The following RAB18 variants were observed in gnomAD, a reference collection of about 807,000 sequenced individuals.
RAB18 encodes RAB18, member RAS oncogene family.
RAB18 carries 10 observed loss-of-function variants against 28.5 expected under a neutral mutation model. The observed-to-expected ratio is 0.35, with a 90% CI of 0.22 to 0.60. RAB18 has a LOEUF of 0.60. Ranked by LOEUF, RAB18 falls within the 20% of genes least tolerant of loss-of-function variation. The pLI is 0.78. For missense variants in RAB18, 188 were observed against 244.2 expected, an observed-to-expected ratio of 0.77 and a Z score of 1.53; for synonymous variants, 93 against 86.9, an observed-to-expected ratio of 1.07 and a Z score of -0.39.
chr10:27,531,476 A>G, intron 3 of RAB18: 24 of 1,527,012 alleles, frequency 1.6e-5, no homozygotes, highest in Non-Finnish European at 2.0e-5. Context: ...CAGCAGTGGG[A>G]CTGGTAGCTA....
At position 27,538,221 on chromosome 10, in the gene RAB18, T is replaced by C. The variant is rs567179590; in HGVS notation, c.*170T>C. ...CTCATCGACCCCGGGTAAAATGTTATGGTAAGCATGCACAGTTTGCAGTCT... is the reference window on the plus strand; with the variant it reads ...CTCATCGACCCCGGGTAAAATGTTACGGTAAGCATGCACAGTTTGCAGTCT... On this transcript the variant is annotated 3_prime_UTR_variant, in exon 7 of 7. Coordinates refer to ENST00000356940, the MANE Select transcript of RAB18 (RefSeq NM_021252.5). 147 of 866,508 alleles carry C rather than the reference T, an allele frequency of 1.7e-4. 2 individuals carry two copies. The East Asian group carries it at 3.6e-3, about 21-fold the overall frequency. 53.7% of individuals were successfully genotyped at this position (866,508 alleles called of 1,614,324 possible).
chr10:27,509,991 T>C (rs1264574655), intron 2 of RAB18, 61 bp downstream of exon 2: 7 of 1,339,918 alleles, frequency 5.2e-6, no homozygotes, highest in African/African-American at 1.4e-5. Context: ...TTGGCCTTTT[T>C]AATCTAAATC....
chr10:27,526,946 G>A lies in RAB18; in HGVS notation c.186+57G>A, dbSNP rs2368234. ...TTAAACTTTACTTTTTAAGGATGCA[G>A]AAATTGATTTGTGTAGTGTTCTAGA... On this transcript the variant is annotated intron_variant, in intron 3 of 6. Coordinates refer to ENST00000356940, the MANE Select transcript of RAB18 (RefSeq NM_021252.5). 11,167 of 1,543,828 alleles carry A rather than the reference G, an allele frequency of 7.2e-3. 572 individuals carry two copies. In the African/African-American group the frequency reaches 0.12, roughly 17 times the overall value.
rs1399816446 is a variant in RAB18, at chr10:27,538,354, G to A, written c.*303G>A. On this transcript the variant is annotated 3_prime_UTR_variant, in exon 7 of 7. Transcript: ENST00000356940. ...AAAAAAATCCATCTATCTAGGATAT[G>A]TTGATACAAAGTCTGCTTTTGCTAT... is the stretch of plus-strand genomic sequence containing the variant. 1.2e-5 allele frequency: 6 copies of A among 502,644 alleles called. No homozygotes were observed. The highest frequency in any genetic ancestry group is 5.7e-4 in the Middle Eastern group (1 of 1,742). The allele number at this position is 502,644 out of a possible 1,614,324, so 31.1% of individuals were successfully genotyped here. A position where few individuals can be genotyped will look rare whatever the true frequency, so the allele number is the denominator to read the frequency against.
rs1413812074 is a variant in RAB18, at chr10:27,540,771, C to A, written c.*2720C>A. ...TTCATTTCATGTATTTGATTGCCAT[C>A]CATAAACTCATACTTGGTGTTGACA... is the stretch of plus-strand genomic sequence containing the variant. On this transcript the variant is annotated 3_prime_UTR_variant, in exon 7 of 7. Coordinates refer to ENST00000356940, the MANE Select transcript of RAB18 (RefSeq NM_021252.5). 6.6e-6 allele frequency: 3 copies of A among 453,948 alleles called. No individual in the cohort carries two copies. The allele number at this position is 453,948 out of a possible 1,614,324, so 28.1% of individuals were successfully genotyped here.
At chr10:27,518,661 T>G (rs1024058649) in intron 2 of RAB18, among the ~76,000 whole-genome samples, 2 of 152,102 alleles carry the variant, frequency 1.3e-5, no homozygotes, top group African/African-American at 4.8e-5. Flanking sequence ...TATTCTGCAT[T>G]TAAGTCTGTT....
At chr10:27,521,191 C>T (rs1834544729) in intron 2 of RAB18, among the ~76,000 whole-genome samples, 1 of 151,856 alleles carries the variant, frequency 6.6e-6, no homozygotes, top group Non-Finnish European at 1.5e-5. Flanking sequence ...TGTATTAAGA[C>T]TTGTTTTGTA....
At position 27,541,209 on chromosome 10, in the gene RAB18, G is replaced by A. The variant is rs1403508211; in HGVS notation, c.*3158G>A. The A allele has an allele frequency of 8.8e-6, 4 of 453,766 alleles. No individual in the cohort carries two copies. Among genetic ancestry groups the A allele is most frequent in the East Asian group, 6.9e-5 (1 of 14,398 alleles). The allele number at this position is 453,766 out of a possible 1,614,324, so 28.1% of individuals were successfully genotyped here. ...TTTCAGAAGACATTGTTCTGACTCC[G>A]ACCCTGCCGTGTATACTCAACTATA... On this transcript the variant is annotated 3_prime_UTR_variant, in exon 7 of 7. Transcript: ENST00000356940.
intron 2 of RAB18, among the ~76,000 whole-genome samples, chr10:27,510,793 C>T (rs968274791): frequency 4.6e-5 from 7 of 152,114 alleles, no homozygotes; most frequent in Non-Finnish European, 7.4e-5. Context: ...TAAAGAGTTT[C>T]TGTTAACTGG....
intron 1 of RAB18, among the ~76,000 whole-genome samples, chr10:27,506,269 A>G (rs1179460323): frequency 1.3e-5 from 2 of 152,138 alleles, no homozygotes; most frequent in South Asian, 2.1e-4. Context: ...AAGTTAGGGT[A>G]TGTTAAAATT....
chr10:27,514,878 G>C (rs1834404476), intron 2 of RAB18, among the ~76,000 whole-genome samples: 1 of 151,758 alleles, frequency 6.6e-6, no homozygotes, highest in South Asian at 2.1e-4. Context: ...CCAGTGATCT[G>C]CTTGAGCCTC....
At chr10:27,523,411 T>C (rs1834606802) in intron 2 of RAB18, among the ~76,000 whole-genome samples, 1 of 151,714 alleles carries the variant, frequency 6.6e-6, no homozygotes, top group Non-Finnish European at 1.5e-5. Context: ...CTCAACTCCA[T>C]TGTTTGCATA....
At chr10:27,515,056 C>T (rs1275065891) in intron 2 of RAB18, among the ~76,000 whole-genome samples, 7 of 152,116 alleles carry the variant, frequency 4.6e-5, no homozygotes, top group Non-Finnish European at 1.0e-4. Flanking sequence ...TGAGCCACTG[C>T]TCTCAGCCTG....
chr10:27,521,273 C>T (rs1834547141), intron 2 of RAB18, among the ~76,000 whole-genome samples: 1 of 152,084 alleles, frequency 6.6e-6, no homozygotes. Flanking sequence ...ACGGAGTATT[C>T]TGTTGGCTCT....
intron 3 of RAB18, chr10:27,531,517 A>G (rs1246112266): frequency 6.5e-7 from 1 of 1,537,158 alleles, no homozygotes; most frequent in East Asian, 2.5e-5. Context: ...TTTTACTTTT[A>G]CTTTTCTTTA....
chr10:27,512,826 G>A (rs1834349454), intron 2 of RAB18, among the ~76,000 whole-genome samples: 1 of 151,846 alleles, frequency 6.6e-6, no homozygotes, highest in African/African-American at 2.4e-5. Flanking sequence ...GGGACTTGTG[G>A]CATGACAAAT....
At chr10:27,529,080 C>A (rs552214176) in intron 3 of RAB18, among the ~76,000 whole-genome samples, 1 of 151,996 alleles carries the variant, frequency 6.6e-6, no homozygotes, top group Non-Finnish European at 1.5e-5. Flanking sequence ...TCATGTGGTA[C>A]AATTTTCTAA....
At chr10:27,531,527 A>G (rs1194201740) in intron 3 of RAB18, 2 of 1,528,566 alleles carry the variant, frequency 1.3e-6, no homozygotes, top group Non-Finnish European at 1.8e-6. Flanking sequence ...ACTTTTCTTT[A>G]GGTTACTTTG....
intron 4 of RAB18, among the ~76,000 whole-genome samples, chr10:27,532,848 G>A (rs941781349): frequency 6.6e-6 from 1 of 152,002 alleles, no homozygotes; most frequent in Non-Finnish European, 1.5e-5. Context: ...AGCATATGTT[G>A]GACTGTCTTG....
Sources: allele counts gnomAD v4.1 joint callset (sites outside exome capture counted in the v4.1 genomes callset), GRCh38; gene constraint gnomAD v4.1.1; transcripts MANE v1.5; gene names NCBI Gene and HGNC (gene_info 2026-07-23, HGNC 2026-07-21).